Variants in HS2ST1 observed in about 807,000 individuals in gnomAD.
HS2ST1 encodes heparan sulfate 2-O-sulfotransferase 1, also known as 2-O-sulfotransferase.
HS2ST1 carries 18 observed loss-of-function variants against 42.9 expected under a neutral mutation model. The ratio of observed to expected loss-of-function variants is 0.42; its 90% CI spans 0.29 to 0.62. The LOEUF is 0.62. Ranked by LOEUF, HS2ST1 falls within the 20% of genes least tolerant of loss-of-function variation. HS2ST1 has a pLI of 0.21. For missense variants in HS2ST1, 334 were observed against 433.8 expected, an observed-to-expected ratio of 0.77 and a Z score of 2.04; for synonymous variants, 146 against 152.9, an observed-to-expected ratio of 0.95 and a Z score of 0.33.
chr1:86,996,227 G>A (rs1649092424), intron 1 of HS2ST1, among the ~76,000 whole-genome samples: 1 of 152,034 alleles, frequency 6.6e-6, no homozygotes, highest in African/African-American at 2.4e-5. Flanking sequence ...CGGATCACTT[G>A]AGATTGGGAG....
intron 1 of HS2ST1, among the ~76,000 whole-genome samples, chr1:87,054,909 G>A (rs1346053023): frequency 6.6e-6 from 1 of 152,172 alleles, no homozygotes; most frequent in Non-Finnish European, 1.5e-5. Context: ...AAACAATCGA[G>A]ATTTCGTTAC....
chr1:87,048,932 A>G (rs1203241332), intron 1 of HS2ST1, among the ~76,000 whole-genome samples: 2 of 152,084 alleles, frequency 1.3e-5, no homozygotes, highest in Non-Finnish European at 2.9e-5. Flanking sequence ...CAGAGACTCA[A>G]CTGGAAAGCG....
At chr1:87,085,091 CT>C (rs1651788784) in intron 3 of HS2ST1, among the ~76,000 whole-genome samples, 1 of 152,168 alleles carries the variant, frequency 6.6e-6, no homozygotes, top group Non-Finnish European at 1.5e-5. Flanking sequence ...ACATAACAGT[CT>C]TATGGATACA....
At chr1:87,026,802 A>G (rs1321501928) in intron 1 of HS2ST1, among the ~76,000 whole-genome samples, 3 of 152,142 alleles carry the variant, frequency 2.0e-5, no homozygotes, top group African/African-American at 4.8e-5. Flanking sequence ...AGAAGATATT[A>G]AATATAAATA....
intron 1 of HS2ST1, among the ~76,000 whole-genome samples, chr1:87,004,956 G>T (rs2100572862): frequency 6.6e-6 from 1 of 152,320 alleles, no homozygotes; most frequent in African/African-American, 2.4e-5. Context: ...ATAATAGTTT[G>T]AATAATTAAT....
intron 1 of HS2ST1, chr1:87,045,087 G>T: frequency 1.0e-6 from 1 of 972,678 alleles, no homozygotes. Flanking sequence ...CGAATCAACT[G>T]TGAGAACATC....
Position 87,044,933 on chromosome 1 carries a change from A to G in HS2ST1, c.125-28001A>G, listed in dbSNP as rs1557526144. ...CTCTGTTTAGAGGCATTTCTGTTCA[A>G]TCTAATGCTATGACATCATCCAGCT... On this transcript the variant is annotated intron_variant, in intron 1 of 6. Transcript: ENST00000370550. The G allele has an allele frequency of 1.0e-5, 16 of 1,568,380 alleles. No homozygotes were observed. The East Asian group carries it at 1.8e-4, about 18-fold the overall frequency.
chr1:86,947,062 C>T (rs1266526780), intron 1 of HS2ST1, among the ~76,000 whole-genome samples: 2 of 152,182 alleles, frequency 1.3e-5, no homozygotes, highest in African/African-American at 4.8e-5. Flanking sequence ...TGAGCTCTAG[C>T]TACCATAGAA....
chr1:87,045,688 C>T, intron 1 of HS2ST1: 2 of 782,768 alleles, frequency 2.6e-6, no homozygotes, highest in Non-Finnish European at 4.7e-6. Flanking sequence ...TTAGTAGTAG[C>T]AATAGCAGGA....
At chr1:87,067,245 C>G (rs556345697) in intron 1 of HS2ST1, among the ~76,000 whole-genome samples, 1 of 152,298 alleles carries the variant, frequency 6.6e-6, no homozygotes, top group East Asian at 1.9e-4. Context: ...TGTTTCCTGA[C>G]TTTTTAATGA....
chr1:87,050,474 A>G (rs1244914335), intron 1 of HS2ST1, among the ~76,000 whole-genome samples: 1 of 151,994 alleles, frequency 6.6e-6, no homozygotes, highest in Non-Finnish European at 1.5e-5. Context: ...AATGGCCTCC[A>G]AATATGAGAG....
intron 1 of HS2ST1, among the ~76,000 whole-genome samples, chr1:87,036,228 G>A (rs1557522994): frequency 3.9e-5 from 6 of 152,110 alleles, no homozygotes; most frequent in African/African-American, 7.2e-5. Flanking sequence ...TTGGTTCCAA[G>A]TCTTTGCTAT....
chr1:87,015,561 G>A (rs183305622), intron 1 of HS2ST1, among the ~76,000 whole-genome samples: 3 of 151,536 alleles, frequency 2.0e-5, no homozygotes, highest in Non-Finnish European at 4.4e-5. Flanking sequence ...AGCCAAGATC[G>A]TCTTGATTTC....
At chr1:87,077,396 C>T (rs1651573385) in intron 2 of HS2ST1, among the ~76,000 whole-genome samples, 1 of 152,194 alleles carries the variant, frequency 6.6e-6, no homozygotes, top group Non-Finnish European at 1.5e-5. Flanking sequence ...AAGGCCTCCG[C>T]ACTTATCCTT....
At chr1:87,015,557 G>A (rs1570486759) in intron 1 of HS2ST1, among the ~76,000 whole-genome samples, 1 of 151,658 alleles carries the variant, frequency 6.6e-6, no homozygotes, top group Admixed American at 6.6e-5. Flanking sequence ...TGTTAGCCAA[G>A]ATCGTCTTGA....
At chr1:86,937,235 A>T (rs1335955845) in intron 1 of HS2ST1, among the ~76,000 whole-genome samples, 1 of 152,230 alleles carries the variant, frequency 6.6e-6, no homozygotes, top group Non-Finnish European at 1.5e-5. Flanking sequence ...TAAAGGATCA[A>T]AATACTGAGC....
intron 5 of HS2ST1, 142 bp from the exon 6 acceptor site, chr1:87,103,290 C>A: frequency 1.5e-6 from 1 of 649,446 alleles, no homozygotes. Context: ...GGTGTGCCTC[C>A]CACAGGATGG....
chr1:87,081,103 A>C (rs1248200725), intron 2 of HS2ST1, among the ~76,000 whole-genome samples: 2 of 152,216 alleles, frequency 1.3e-5, no homozygotes, highest in Admixed American at 1.3e-4. Context: ...ACCCCAATAC[A>C]ATAATAGCTA....
intron 1 of HS2ST1, among the ~76,000 whole-genome samples, chr1:86,999,693 T>TCC (rs35630628): frequency 6.6e-6 from 1 of 151,570 alleles, no homozygotes; most frequent in African/African-American, 2.4e-5. Flanking sequence ...AATTATGCTT[T>TCC]CCCCCCCAAC....
Sources: allele counts gnomAD v4.1 joint callset (sites outside exome capture counted in the v4.1 genomes callset), GRCh38; gene constraint gnomAD v4.1.1; transcripts MANE v1.5; gene names NCBI Gene and HGNC (gene_info 2026-07-23, HGNC 2026-07-21).